ITSN1: variants seen among roughly 807,000 people sequenced by gnomAD.
ITSN1 encodes intersectin-1.
In ITSN1, 58 loss-of-function variants were observed where a neutral mutation model predicts 239.8. The ratio of observed to expected loss-of-function variants is 0.24; its 90% confidence interval spans 0.20 to 0.30. ITSN1 has a LOEUF of 0.30. ITSN1 is among the 10% of genes least tolerant of loss of function. The pLI is 1.00. For synonymous variants in ITSN1, 780 were observed against 770.8 expected, an observed-to-expected ratio of 1.01 and a Z score of -0.20; for missense variants, 1,558 against 2,103.3, an observed-to-expected ratio of 0.74 and a Z score of 5.07.
chr21:33,686,845 C>T (rs190910916), intron 1 of ITSN1, among the ~76,000 whole-genome samples: 12 of 152,204 alleles, frequency 7.9e-5, no homozygotes, highest in South Asian at 2.1e-4. Context: ...AGCTAGGTCA[C>T]GAAACTCCTC....
chr21:33,782,601 A>G (rs1046210908), intron 16 of ITSN1, among the ~76,000 whole-genome samples: 2 of 152,146 alleles, frequency 1.3e-5, no homozygotes, highest in South Asian at 2.1e-4. Flanking sequence ...GAAGTGGTGT[A>G]TGGTTTTGTC....
chr21:33,846,120 C>T (rs895372663), intron 29 of ITSN1, among the ~76,000 whole-genome samples: 14 of 152,140 alleles, frequency 9.2e-5, no homozygotes, highest in Non-Finnish European at 1.6e-4. Context: ...CCTCACTCTG[C>T]TGTCCAGTCT....
At chr21:33,860,816 C>T (rs567319185) in intron 31 of ITSN1, among the ~76,000 whole-genome samples, 1 of 152,246 alleles carries the variant, frequency 6.6e-6, no homozygotes, top group Non-Finnish European at 1.5e-5. Context: ...GTCTGGGCTC[C>T]GGCCCCTTCT....
chr21:33,810,795 A>ATTTTTTTTTTT, intron 20 of ITSN1, 180 bp from the exon 21 acceptor site: 1 of 709,018 alleles, frequency 1.4e-6, no homozygotes, highest in East Asian at 2.8e-5. Flanking sequence ...ATTATAGTGC[A>ATTTTTTTTTTT]TTTTTTTTTT....
intron 9 of ITSN1, among the ~76,000 whole-genome samples, chr21:33,765,422 G>A (rs938512709): frequency 8.5e-5 from 13 of 152,116 alleles, no homozygotes; most frequent in East Asian, 5.8e-4. Flanking sequence ...ATTTAAGCCC[G>A]GAAAGGCTGT....
intron 21 of ITSN1, among the ~76,000 whole-genome samples, chr21:33,813,650 GCCT>G (rs1176009387): frequency 1.3e-5 from 2 of 152,220 alleles, no homozygotes; most frequent in African/African-American, 4.8e-5. Flanking sequence ...ACTGTGCCCA[GCCT>G]CCTCCTTGTT....
At chr21:33,791,321 G>C (rs980860792) in intron 16 of ITSN1, among the ~76,000 whole-genome samples, 2 of 152,188 alleles carry the variant, frequency 1.3e-5, no homozygotes, top group South Asian at 4.1e-4. Flanking sequence ...AGGTGCCAGA[G>C]CCTTCTGTTA....
At chr21:33,749,898 T>A (rs1214228882) in intron 5 of ITSN1, among the ~76,000 whole-genome samples, 2 of 152,224 alleles carry the variant, frequency 1.3e-5, no homozygotes, top group African/African-American at 4.8e-5. Flanking sequence ...TTAAGTCCAC[T>A]GCAGTTATTA....
At chr21:33,684,494 GCT>G (rs2091137238) in intron 1 of ITSN1, among the ~76,000 whole-genome samples, 1 of 152,170 alleles carries the variant, frequency 6.6e-6, no homozygotes, top group Admixed American at 6.5e-5. Context: ...TCTAAGGTTA[GCT>G]TGTAGGAACT....
chr21:33,767,655 C>A, intron 10 of ITSN1, 58 bp from the exon 11 acceptor site: 1 of 913,318 alleles, frequency 1.1e-6, no homozygotes. Context: ...CATAACTTGT[C>A]CAACTCCACC....
chr21:33,663,849 C>A (rs9983538), intron 1 of ITSN1, among the ~76,000 whole-genome samples: 18,060 of 152,256 alleles, frequency 0.12, 1,588 homozygotes, highest in East Asian at 0.42. Context: ...GATCCGCCCA[C>A]CTCGGCCTCC....
chr21:33,822,983 A>T (rs2073775705), intron 24 of ITSN1, among the ~76,000 whole-genome samples: 1 of 152,230 alleles, frequency 6.6e-6, no homozygotes, highest in Non-Finnish European at 1.5e-5. Flanking sequence ...TATTTAATTT[A>T]TGCGAAGGAT....
At chr21:33,722,541 GTTGTT>G in intron 3 of ITSN1, 42 bp from the exon 4 acceptor site, 1 of 1,459,438 alleles carries the variant, frequency 6.9e-7, no homozygotes, top group Admixed American at 2.6e-5. Context: ...TCTGTCAGCT[GTTGTT>G]TTTTTTTTTT....
At chr21:33,881,651 A>G (rs1305685772) in intron 34 of ITSN1, among the ~76,000 whole-genome samples, 1 of 152,020 alleles carries the variant, frequency 6.6e-6, no homozygotes, top group Admixed American at 6.5e-5. Context: ...CCAGGTGGGC[A>G]CTTTTCTTTC....
chr21:33,779,579 A>G (rs569225774), intron 14 of ITSN1, among the ~76,000 whole-genome samples: 10 of 152,294 alleles, frequency 6.6e-5, no homozygotes, highest in Non-Finnish European at 1.0e-4. Flanking sequence ...GTGGTCTTCA[A>G]GTCTCCTGTG....
chr21:33,781,845 C>T, intron 15 of ITSN1, 149 bp from the exon 16 acceptor site: 1 of 749,610 alleles, frequency 1.3e-6, no homozygotes, highest in Non-Finnish European at 2.1e-6. Context: ...CCCCAAAGTG[C>T]TGGGATTACA....
intron 29 of ITSN1, among the ~76,000 whole-genome samples, chr21:33,853,388 G>A (rs530257945): frequency 2.4e-4 from 37 of 152,316 alleles, no homozygotes; most frequent in African/African-American, 8.9e-4. Context: ...CCACGCAGCA[G>A]CCCTCCAGCT....
At chr21:33,699,930 A>C (rs138442467) in intron 1 of ITSN1, among the ~76,000 whole-genome samples, 142 of 151,060 alleles carry the variant, frequency 9.4e-4, no homozygotes, top group Non-Finnish European at 1.7e-3. Context: ...CCCAATTTTT[A>C]AGTTTGTTTT....
At chr21:33,871,052 A>G (rs1235003953) in intron 33 of ITSN1, among the ~76,000 whole-genome samples, 1 of 151,832 alleles carries the variant, frequency 6.6e-6, no homozygotes, top group Non-Finnish European at 1.5e-5. Context: ...AATATCTTGA[A>G]CCTGGCAGGC....
Sources: gnomAD v4.1 joint callset for allele counts (sites outside exome capture counted in the v4.1 genomes callset) on GRCh38, gnomAD v4.1.1 for gene constraint, MANE v1.5 for transcripts, NCBI Gene and HGNC (gene_info 2026-07-23, HGNC 2026-07-21) for gene names.